The following BTAF1 variants were observed in gnomAD, a reference collection of about 807,000 sequenced individuals.
The protein encoded by BTAF1 is B-TFIID TATA-box binding protein associated factor 1.
Under a neutral mutation model 227.1 loss-of-function variants are expected in BTAF1, and 38 were observed. That is an observed-to-expected ratio of 0.17 (90% CI 0.13 to 0.22). BTAF1 has a LOEUF of 0.22. Ranked by LOEUF, BTAF1 falls within the 10% of genes least tolerant of loss-of-function variation. The pLI, the probability that BTAF1 is intolerant of heterozygous loss-of-function variation, is 1.00. For missense variants in BTAF1, 1,598 were observed against 2,204.0 expected, an observed-to-expected ratio of 0.73 and a Z score of 5.51; for synonymous variants, 742 against 751.9, an observed-to-expected ratio of 0.99 and a Z score of 0.21.
At chr10:92,024,075 G>C (rs955915255) in intron 34 of BTAF1, among the ~76,000 whole-genome samples, 1 of 152,184 alleles carries the variant, frequency 6.6e-6, no homozygotes, top group Non-Finnish European at 1.5e-5. Flanking sequence ...AATTGCACTT[G>C]CTGTGTGCAA....
intron 33 of BTAF1, among the ~76,000 whole-genome samples, chr10:92,017,522 T>C (rs1259421770): frequency 2.0e-5 from 3 of 151,916 alleles, no homozygotes; most frequent in African/African-American, 7.3e-5. Flanking sequence ...TTGTTTTGTT[T>C]TGTTTTTTTA....
chr10:91,994,288 A>G (rs1447445589), intron 22 of BTAF1, among the ~76,000 whole-genome samples: 1 of 149,968 alleles, frequency 6.7e-6, no homozygotes, highest in East Asian at 2.0e-4. Context: ...TGACAGAGCG[A>G]GACTCTGTCT....
chr10:91,924,021 G>C lies in BTAF1; in HGVS notation c.-56G>C. On this transcript the variant is annotated 5_prime_UTR_variant, in exon 1 of 38. Coordinates refer to ENST00000265990, the MANE Select transcript of BTAF1 (RefSeq NM_003972.3). ...GCCGCTCAGCTCTCTGGAAACTAGC[G>C]CCTCAGCTGCGCGGCGCGTAGGTCG... The C allele has an allele frequency of 6.3e-7, 1 of 1,588,110 alleles. No individual in the cohort carries two copies. Among genetic ancestry groups the C allele is most frequent in the Non-Finnish European group, 8.5e-7 (1 of 1,170,282 alleles).
At position 91,989,175 on chromosome 10, in the gene BTAF1, G is replaced by A. The variant is rs1388036932; in HGVS notation, c.2449G>A (p.Ala817Thr). The A allele has an allele frequency of 1.2e-6, 2 of 1,612,534 alleles. No individual in the cohort carries two copies. Among genetic ancestry groups the A allele is most frequent in the Non-Finnish European group, 1.7e-6 (2 of 1,179,274 alleles). The change falls in exon 20 of 38, where the codon GCC becomes ACC. Residue 817 changes from alanine (A) to threonine (T), a missense_variant. Physicochemically the swap from Ala to Thr is moderately conservative, Grantham distance 58. This residue lies in a region of BTAF1 where 318 missense variants were observed against 435.0 expected (regional missense o/e 0.73). Transcript: ENST00000265990. ...SDLVTTVFNE[A>T]TSSFDLNPQV... The stretch of plus-strand genomic sequence containing the variant: ...ATAGGTCACTACTGTTTTTAATGAA[G>A]CCACATCATCTTTCGATTTAAATCC...
chr10:91,968,361 T>C (rs1847071614), intron 14 of BTAF1, among the ~76,000 whole-genome samples: 1 of 152,216 alleles, frequency 6.6e-6, no homozygotes, highest in Non-Finnish European at 1.5e-5. Flanking sequence ...GGTTTCTCCA[T>C]GTCTTTTCAT....
At chr10:91,999,062 C>CAAAA (rs34831539) in intron 25 of BTAF1, among the ~76,000 whole-genome samples, 1 of 115,356 alleles carries the variant, frequency 8.7e-6, no homozygotes, top group South Asian at 2.5e-4. Flanking sequence ...GACTTCCTTT[C>CAAAA]AAAAAAAAAA....
In BTAF1 at chr10:91,994,556, A is replaced by G; in HGVS notation, c.3221A>G (p.Lys1074Arg). The change falls in exon 23 of 38, where the codon AAG (lysine) becomes AGG (arginine). Residue 1074 changes from lysine (K) to arginine (R), a missense_variant. Coordinates refer to ENST00000265990, the MANE Select transcript of BTAF1 (RefSeq NM_003972.3). ...ACAGATGGAAAATCCCTCCTGGATA[A>G]GGGAGATAGCCCTGCTCAAGAATTG... is the stretch of plus-strand genomic sequence containing the variant. ...NNFDGKSLLD[K>R]GDSPAQELVN... 6.2e-7 allele frequency: 1 copy of G among 1,613,162 alleles called. No individual in the cohort carries two copies. Among genetic ancestry groups the G allele is most frequent in the Non-Finnish European group, 8.5e-7 (1 of 1,179,270 alleles).
chr10:91,930,273 C>T (rs1378642530), intron 1 of BTAF1, among the ~76,000 whole-genome samples: 3 of 151,998 alleles, frequency 2.0e-5, no homozygotes, highest in African/African-American at 2.4e-5. Context: ...ATAGGTTGTT[C>T]GATCAGGGAT....
At chr10:92,014,194 A>G (rs539047905) in intron 32 of BTAF1, among the ~76,000 whole-genome samples, 165 bp downstream of exon 32, 2 of 152,280 alleles carry the variant, frequency 1.3e-5, no homozygotes, top group South Asian at 4.1e-4. Context: ...TTTTGAATAT[A>G]GCATTAAAAC....
intron 25 of BTAF1, among the ~76,000 whole-genome samples, chr10:92,007,900 A>G (rs546439887): frequency 2.6e-4 from 40 of 152,340 alleles, no homozygotes; most frequent in African/African-American, 8.4e-4. Context: ...AGTGTGGGAA[A>G]ATGAAGTTGT....
intron 21 of BTAF1, among the ~76,000 whole-genome samples, chr10:91,993,148 A>T (rs1848913025): frequency 6.6e-6 from 1 of 152,156 alleles, no homozygotes; most frequent in Non-Finnish European, 1.5e-5. Flanking sequence ...TTTTACTGTG[A>T]TTTTGATATT....
Position 92,029,761 on chromosome 10 carries a change from C to T in BTAF1, c.*828C>T, listed in dbSNP as rs1386653412. ...TTTACACTGTTTAGAATTCCAACAC[C>T]TACAGTGGAAAGACTGTTTATTGTA... On this transcript the variant is annotated 3_prime_UTR_variant, in exon 38 of 38. Transcript: ENST00000265990. The T allele has an allele frequency of 6.6e-6, 1 of 152,136 alleles. No individual in the cohort carries two copies. The highest frequency in any genetic ancestry group is 1.5e-5 in the Non-Finnish European group (1 of 67,924). 9.4% of individuals were successfully genotyped at this position (152,136 alleles called of 1,614,324 possible).
Position 92,028,003 on chromosome 10 carries a change from A to G in BTAF1, c.5406+703A>G, listed in dbSNP as rs542318255. On this transcript the variant is annotated intron_variant, in intron 37 of 37. Transcript: ENST00000265990. ...CCATACTATGTGTATGTTAAACCAC[A>G]TTTGAAATATGTCTAGTTTGGGGAG... 3.3e-5 allele frequency among the ~76,000 whole-genome samples: 5 copies of G among 152,352 alleles called. No individual in the cohort carries two copies. The South Asian group carries it at 6.2e-4, about 19-fold the overall frequency.
chr10:91,982,490 T>G, intron 17 of BTAF1, 97 bp from the exon 18 acceptor site: 2 of 1,414,734 alleles, frequency 1.4e-6, no homozygotes, highest in Non-Finnish European at 1.9e-6. Context: ...CAAATTTTGC[T>G]TCAAGTAATT....
At chr10:91,941,941 C>A (rs1385667950) in intron 3 of BTAF1, among the ~76,000 whole-genome samples, 1 of 152,126 alleles carries the variant, frequency 6.6e-6, no homozygotes, top group Non-Finnish European at 1.5e-5. Flanking sequence ...GATCATAAAC[C>A]CACAGTAGCT....
At chr10:91,944,971 T>A (rs533805678) in intron 4 of BTAF1, among the ~76,000 whole-genome samples, 1 of 152,358 alleles carries the variant, frequency 6.6e-6, no homozygotes, top group Non-Finnish European at 1.5e-5. Context: ...TAACATGCTA[T>A]ACAGGTTTGT....
intron 21 of BTAF1, 136 bp from the exon 22 acceptor site, chr10:91,993,556 CAT>C: frequency 3.0e-6 from 2 of 655,790 alleles, no homozygotes; most frequent in Non-Finnish European, 4.5e-6. Context: ...TTGAGACAAA[CAT>C]GTCTAATAAT....
intron 2 of BTAF1, among the ~76,000 whole-genome samples, chr10:91,937,234 C>A (rs1470321954): frequency 6.6e-6 from 1 of 152,024 alleles, no homozygotes; most frequent in Non-Finnish European, 1.5e-5. Flanking sequence ...ACCTCGTGAT[C>A]CTCCCACCTT....
At chr10:91,959,403 T>C (rs979460487) in intron 9 of BTAF1, 14 of 629,476 alleles carry the variant, frequency 2.2e-5, no homozygotes, top group Middle Eastern at 5.2e-4. Context: ...ATAATAGATA[T>C]ATGACCGGTG....
Sources: gnomAD v4.1 joint callset for allele counts (sites outside exome capture counted in the v4.1 genomes callset) on GRCh38, gnomAD v4.1.1 for gene constraint, gnomAD v4.1.1 regional missense constraint, MANE v1.5 for transcripts, NCBI Gene and HGNC (gene_info 2026-07-23, HGNC 2026-07-21) for gene names.